The following DARS1 variants were observed in gnomAD, a reference collection of about 807,000 sequenced individuals.
DARS1 encodes aspartyl-tRNA synthetase 1.
A neutral mutation model predicts 68.8 loss-of-function variants in DARS1; 51 were observed. The ratio of observed to expected loss-of-function variants is 0.74; its 90% CI spans 0.59 to 0.94. The LOEUF is 0.94. DARS1 is among the 40% of genes least tolerant of loss of function. The pLI, the probability that DARS1 is intolerant of heterozygous loss-of-function variation, is 0.00. For missense variants in DARS1, 607 were observed against 597.3 expected (o/e 1.02, Z -0.17); for synonymous variants, 203 against 190.4 (o/e 1.07, Z -0.55).
chr2:135,920,598 A>C lies in DARS1; in HGVS notation c.814T>G (p.Phe272Val). The change falls in exon 10 of 16, where the codon TTC becomes GTC. Residue 272 changes from phenylalanine (F) to valine (V), a missense_variant and splice_region_variant. Physicochemically the swap from Phe to Val is conservative, Grantham distance 50. Transcript: ENST00000264161. ...FEKVFSIGPV[F>V]RAEDSNTHRH... is the part of the protein sequence containing the mutation. ...TGGGTATTAGAGTCTTCCGCTCTGA[A>C]TACTGTGAAGTTAATAAAAGAAATA... The C allele has an allele frequency of 6.3e-7, 1 of 1,588,960 alleles. No homozygotes were observed.
At chr2:135,932,266 TCTC>T (rs1681368896) in intron 7 of DARS1, among the ~76,000 whole-genome samples, 1 of 152,058 alleles carries the variant, frequency 6.6e-6, no homozygotes, top group Non-Finnish European at 1.5e-5. Flanking sequence ...ACCACTAAAC[TCTC>T]TTTCACTTGC....
rs1468875129 is a variant in DARS1, at chr2:135,905,884, G to A, written c.*1432C>T. On this transcript the variant is annotated 3_prime_UTR_variant, in exon 16 of 16. Transcript: ENST00000264161. ...AATAAAAAAGATTACATCATTCTAA[G>A]ACTTTACAAACTTTATTTTGAAACA... is the stretch of plus-strand genomic sequence containing the variant. 1.3e-5 allele frequency among the ~76,000 whole-genome samples: 2 copies of A among 152,060 alleles called. No homozygotes were observed. The highest frequency in any genetic ancestry group is 2.9e-5 in the Non-Finnish European group (2 of 68,000).
At position 135,968,096 on chromosome 2, in the gene DARS1, C is replaced by T. The variant is rs536117479; in HGVS notation, c.218-6598G>A. Among the ~76,000 whole-genome samples, 11 of 152,206 alleles carry T rather than the reference C, an allele frequency of 7.2e-5. No homozygotes were observed. The South Asian group carries it at 2.3e-3, about 32-fold the overall frequency. On this transcript the variant is annotated intron_variant, in intron 3 of 15. Transcript: ENST00000264161. ...CCAAAATGGTGAAACCCCGACTCTA[C>T]TAAAAATATAAAAATTAGCTGGATA...
rs948510767 is a variant in DARS1 at position 135,915,937 on chromosome 2, T to C, written c.1106+289A>G. Among the ~76,000 whole-genome samples, 111 of 152,158 alleles carry C rather than the reference T, an allele frequency of 7.3e-4. 3 individuals are homozygous for C. Among genetic ancestry groups the C allele is most frequent in the Non-Finnish European group, 2.1e-4 (14 of 68,024 alleles). On this transcript the variant is annotated intron_variant, in intron 11 of 15. Coordinates refer to ENST00000264161, the MANE Select transcript of DARS1 (RefSeq NM_001349.4). The stretch of plus-strand genomic sequence containing the variant: ...AAATTATGAAAACTTAGGCAAACTA[T>C]AGTAAACACTTTTATTTCAGATCAC...
Position 135,947,315 on chromosome 2 carries a change from G to A in DARS1, c.321-3835C>T, listed in dbSNP as rs1052457013. 2.6e-5 allele frequency among the ~76,000 whole-genome samples: 4 copies of A among 151,476 alleles called. No homozygotes were observed. In the East Asian group the frequency reaches 7.8e-4, roughly 30 times the overall value. On this transcript the variant is annotated intron_variant, in intron 4 of 15. Transcript: ENST00000264161. ...CCCAGCTACTCTGGAGGCTGAGGCA[G>A]AAGAATTGCTTGAACCCAGGAGACA...
Position 135,960,427 on chromosome 2 carries a change from G to C in DARS1, c.320+969C>G, listed in dbSNP as rs142273934. 1.8e-4 allele frequency among the ~76,000 whole-genome samples: 27 copies of C among 152,138 alleles called. No homozygotes were observed. The East Asian group carries it at 5.2e-3, about 29-fold the overall frequency. On this transcript the variant is annotated intron_variant, in intron 4 of 15. Coordinates refer to ENST00000264161, the MANE Select transcript of DARS1 (RefSeq NM_001349.4). ...GGGCTGAAAGCTAAATTACGATATT[G>C]AATTAGATAATTTTTAAGTTTCTTT...
intron 3 of DARS1, among the ~76,000 whole-genome samples, chr2:135,967,008 T>G (rs1682251656): frequency 6.6e-6 from 1 of 152,170 alleles, no homozygotes; most frequent in African/African-American, 2.4e-5. Context: ...TGGTAGGTAG[T>G]TAGGACAAAA....
At chr2:135,968,698 G>A (rs529852580) in intron 3 of DARS1, among the ~76,000 whole-genome samples, 104 of 137,608 alleles carry the variant, frequency 7.6e-4, no homozygotes, top group African/African-American at 2.8e-3. Context: ...GTCTCACTCT[G>A]TCACCCAGGC....
chr2:135,923,421 C>T (rs1269211080), intron 8 of DARS1, among the ~76,000 whole-genome samples: 1 of 151,968 alleles, frequency 6.6e-6, no homozygotes, highest in East Asian at 1.9e-4. Flanking sequence ...TCCCAAGTAG[C>T]TGGGACTACA....
At chr2:135,978,148 AAAAAAAAAAAAAAAAAAG>A in intron 3 of DARS1, among the ~76,000 whole-genome samples, 1 of 149,846 alleles carries the variant, frequency 6.7e-6, no homozygotes, top group East Asian at 1.9e-4. Flanking sequence ...GTCTCAAAAA[AAAAAAAAAAAAAAAAAAG>A]AAAAAAAGAA....
At chr2:135,983,858 G>A (rs559192495) in intron 1 of DARS1, among the ~76,000 whole-genome samples, 2 of 152,324 alleles carry the variant, frequency 1.3e-5, no homozygotes, top group Admixed American at 6.5e-5. Flanking sequence ...CCTATTACAG[G>A]AAGAAATGTT....
intron 4 of DARS1, among the ~76,000 whole-genome samples, chr2:135,954,850 A>G (rs1258212850): frequency 6.6e-6 from 1 of 151,982 alleles, no homozygotes; most frequent in Non-Finnish European, 1.5e-5. Context: ...CTATCAATAA[A>G]CCCAAGATGA....
chr2:135,907,385 C>G lies in DARS1; in HGVS notation c.1437G>C (p.Leu479=), dbSNP rs1311995721. ...GGIGLERVTM[L]FLGLHNVRQT... ...GACGAACATTATGCAATCCCAGAAA[C>G]AGCATAGTAACTCGTTCCAATCCTG... Residue 479 remains leucine, a synonymous_variant, in exon 16 of 16, where the codon CTG becomes CTC. Coordinates refer to ENST00000264161, the MANE Select transcript of DARS1 (RefSeq NM_001349.4). 5 of 1,608,432 alleles carry G rather than the reference C, an allele frequency of 3.1e-6. No individual in the cohort carries two copies. Among genetic ancestry groups the G allele is most frequent in the South Asian group, 1.1e-5 (1 of 90,876 alleles).
chr2:135,916,228 C>T lies in DARS1; in HGVS notation c.1104G>A (p.Leu368=). The T allele has an allele frequency of 1.9e-6, 3 of 1,574,338 alleles. No homozygotes were observed. The highest frequency in any genetic ancestry group is 2.6e-6 in the Non-Finnish European group (3 of 1,144,410). ...AGVEMGDEDD[L]STPNEKLLGH... is the part of the protein sequence containing the mutation. ...AAAAAAAAGCCACAAAGACAAACCT[C>T]AGATCGTCTTCATCTCCCATTTCGA... The change falls in exon 11 of 16, where the codon CTG becomes CTA. Residue 368 remains leucine (L), a splice_region_variant and synonymous_variant. Transcript: ENST00000264161.
chr2:135,914,268 A>G (rs1432735343), intron 12 of DARS1, among the ~76,000 whole-genome samples: 1 of 152,234 alleles, frequency 6.6e-6, no homozygotes. Flanking sequence ...TGAGTTAATC[A>G]GATCATCTGG....
At chr2:135,944,278 G>T (rs1226068380) in intron 4 of DARS1, among the ~76,000 whole-genome samples, 1 of 152,018 alleles carries the variant, frequency 6.6e-6, no homozygotes, top group Admixed American at 6.5e-5. Context: ...TTTTACTTTT[G>T]TGTATATTCT....
chr2:135,964,638 C>T (rs1397786860), intron 3 of DARS1, among the ~76,000 whole-genome samples: 1 of 151,902 alleles, frequency 6.6e-6, no homozygotes, highest in African/African-American at 2.4e-5. Flanking sequence ...GTCAGGAGTT[C>T]GAGACTAGGT....
intron 5 of DARS1, 102 bp downstream of exon 5, chr2:135,943,276 C>CT: frequency 6.9e-7 from 1 of 1,444,294 alleles, no homozygotes; most frequent in Non-Finnish European, 9.2e-7. Context: ...TTATAAACCT[C>CT]AGTATTTTAC....
rs939798859 is a variant in DARS1, at chr2:135,912,867, T to C, written c.1150-301A>G. Among the ~76,000 whole-genome samples the C allele has an allele frequency of 2.6e-5, 4 of 151,946 alleles. No homozygotes were observed. The South Asian group carries it at 6.2e-4, about 24-fold the overall frequency. On this transcript the variant is annotated intron_variant, in intron 12 of 15. Transcript: ENST00000264161. The stretch of plus-strand genomic sequence containing the variant: ...TAGGCTCGAGTGCATGATGAGATCA[T>C]GGCTTAAGCAGGAGCCTGGCTAATT...
Sources: allele counts gnomAD v4.1 joint callset (sites outside exome capture counted in the v4.1 genomes callset), GRCh38; gene constraint gnomAD v4.1.1; transcripts MANE v1.5; gene names NCBI Gene and HGNC (gene_info 2026-07-23, HGNC 2026-07-21).